MDC1: variants seen among roughly 807,000 people sequenced by gnomAD.
The protein encoded by MDC1 is mediator of DNA damage checkpoint protein 1.
MDC1 carries 81 observed loss-of-function variants against 142.5 expected under a neutral mutation model. That is an observed-to-expected ratio of 0.57 (90% confidence interval 0.47 to 0.68). The LOEUF (loss-of-function observed/expected upper bound fraction) is 0.68, where lower values mean the gene tolerates loss of function less well. MDC1 is among the 30% of genes least tolerant of loss of function. The pLI, the probability that MDC1 is intolerant of heterozygous loss-of-function variation, is 0.00. For missense variants in MDC1, 2,119 were observed against 2,547.9 expected, an observed-to-expected ratio of 0.83 and a Z score of 3.62; for synonymous variants, 797 against 968.4, an observed-to-expected ratio of 0.82 and a Z score of 3.29.
rs375028226 is a variant in MDC1, at chr6:30,715,583, C to A, written c.-3-405G>T. ...CGAACTCTTGACCTTGGGTGATCCG[C>A]CCACCTTGGCCTCCCAAAGTGCTGG... On this transcript the variant is annotated intron_variant, in intron 1 of 14. Coordinates refer to ENST00000376406, the MANE Select transcript of MDC1 (RefSeq NM_014641.3). This position sits in a 1 kb window ranked among gnomAD's most constrained non-coding sequence, Gnocchi z 4.1. Among the ~76,000 whole-genome samples, 3 of 152,228 alleles carry A rather than the reference C, an allele frequency of 2.0e-5. No homozygotes were observed. The highest frequency in any genetic ancestry group is 4.4e-5 in the Non-Finnish European group (3 of 68,044).
chr6:30,711,821 C>T, intron 5 of MDC1, 53 bp downstream of exon 5: 1 of 1,555,650 alleles, frequency 6.4e-7, no homozygotes, highest in South Asian at 1.2e-5. Flanking sequence ...CCAACCCCAG[C>T]TGTTAGAACC....
chr6:30,717,101 C>A (rs9468813), intron 1 of MDC1, 144 bp downstream of exon 1: 7,440 of 158,602 alleles, frequency 0.047, 357 homozygotes, highest in African/African-American at 0.12. Context: ...CGGAGCGGGG[C>A]GCCAGGTAAG....
chr6:30,700,842 G>A (rs1427401236), intron 14 of MDC1, among the ~76,000 whole-genome samples: 2 of 150,652 alleles, frequency 1.3e-5, no homozygotes, highest in Non-Finnish European at 3.0e-5. Context: ...AGGCTGAGGC[G>A]GGTGGATCAC....
rs1581620472 is a variant in MDC1, at chr6:30,713,445, G to A, written c.588-91C>T. The A allele has an allele frequency of 1.0e-5, 14 of 1,390,406 alleles. No individual in the cohort carries two copies. In the East Asian group the frequency reaches 3.0e-4, roughly 30 times the overall value. 86.1% of individuals were successfully genotyped at this position (1,390,406 alleles called of 1,614,324 possible). On this transcript the variant is annotated intron_variant, in intron 4 of 14. Transcript: ENST00000376406. The surrounding 1 kb of genome is among the most constrained non-coding windows in gnomAD (Gnocchi z 4.9). ...GTGAGCTCCTTGAGGGGAGACACAA[G>A]GTAGCATATTTCTTCTTCTGTTTCC...
In MDC1 at chr6:30,704,191, G is replaced by T; in HGVS notation, c.4992C>A (p.Thr1664=). 1 of 1,613,734 alleles carries T rather than the reference G, an allele frequency of 6.2e-7. No homozygotes were observed. The highest frequency in any genetic ancestry group is 8.5e-7 in the Non-Finnish European group (1 of 1,179,798). The change falls in exon 10 of 15, where the codon ACC becomes ACA. Residue 1664 remains threonine (T), a synonymous_variant. Transcript: ENST00000376406. ...EPAASDLEPF[T]PTDQSVTPEA... is the part of the protein sequence containing the mutation. ...CAGGGGTGACGGACTGGTCTGTGGG[G>T]GTAAAAGGCTCAAGATCAGAGGCTG...
At position 30,704,585 on chromosome 6, in the gene MDC1, G is replaced by C; in HGVS notation, c.4598C>G (p.Ala1533Gly). 6.2e-7 allele frequency: 1 copy of C among 1,606,998 alleles called. No homozygotes were observed. Among genetic ancestry groups the C allele is most frequent in the Non-Finnish European group, 8.5e-7 (1 of 1,176,716 alleles). The change falls in exon 10 of 15, where the codon GCA becomes GGA. Residue 1533 changes from alanine (A) to glycine (G), a missense_variant. By Grantham distance (60) the Ala-to-Gly change is moderately conservative. Coordinates refer to ENST00000376406, the MANE Select transcript of MDC1 (RefSeq NM_014641.3). ...GGTGGAAGGCTGGAGCTCAGGGGCTGCGGGCACAACTGTTTCAGGGGTCTT... is the reference window on the plus strand; with the variant it reads ...GGTGGAAGGCTGGAGCTCAGGGGCTCCGGGCACAACTGTTTCAGGGGTCTT... ...SVKTPETVVPAAPELQPSTST... is the reference protein window; with the variant it reads ...SVKTPETVVPGAPELQPSTST...
In MDC1 at chr6:30,702,761, C is replaced by G. The variant is rs191103790; in HGVS notation, c.5982G>C (p.Arg1994Ser). Residue 1994 changes from arginine to serine, a missense_variant, in exon 13 of 15, where the codon AGG becomes AGC. Transcript: ENST00000376406. The stretch of plus-strand genomic sequence containing the variant: ...AAAGATAGCCTCTCACCTCTAGCAG[C>G]CTTCGCTCCCGAGCCCTGCTCAGTG... Reference protein sequence around the residue: ...QDALSRARERRLLEGYEIYVT... With the variant: ...QDALSRARERSLLEGYEIYVT... 16 of 1,613,140 alleles carry G rather than the reference C, an allele frequency of 9.9e-6. No individual in the cohort carries two copies. Among genetic ancestry groups the G allele is most frequent in the East Asian group, 2.2e-5 (1 of 44,888 alleles).
chr6:30,702,960 A>G, intron 12 of MDC1, 83 bp from the exon 13 acceptor site: 1 of 1,600,956 alleles, frequency 6.2e-7, no homozygotes. Context: ...AGAGCTCACA[A>G]AATGTCTTTT....
At position 30,713,433 on chromosome 6, in the gene MDC1, G is replaced by C; in HGVS notation, c.588-79C>G. On this transcript the variant is annotated intron_variant, in intron 4 of 14. Coordinates refer to ENST00000376406, the MANE Select transcript of MDC1 (RefSeq NM_014641.3). The surrounding 1 kb of genome is among the most constrained non-coding windows in gnomAD (Gnocchi z 4.9). ...CCCAACTCAACTGTGAGCTCCTTGA[G>C]GGGAGACACAAGGTAGCATATTTCT... 1 of 1,428,168 alleles carries C rather than the reference G, an allele frequency of 7.0e-7. No individual in the cohort carries two copies. Among genetic ancestry groups the C allele is most frequent in the Non-Finnish European group, 9.4e-7 (1 of 1,067,596 alleles). The allele number at this position is 1,428,168 out of a possible 1,614,324, so 88.5% of individuals were successfully genotyped here.
chr6:30,711,669 T>G lies in MDC1; in HGVS notation c.2126A>C (p.Glu709Ala), dbSNP rs1774923337. Reference sequence around the variant, plus strand: ...TCAAATAACACAGAAGTCCTCACCTTCCAGGCCCTGATTCTCCAGAAAGCA... The same window carrying G: ...TCAAATAACACAGAAGTCCTCACCTGCCAGGCCCTGATTCTCCAGAAAGCA... The part of the protein sequence containing the change: ...TQCFLENQGL[E>A]AVQSMEDEPT... The change falls in exon 6 of 15, where the codon GAA (glutamate) becomes GCA (alanine). Residue 709 changes from glutamate (E) to alanine (A), a missense_variant and splice_region_variant. Physicochemically the swap from Glu to Ala is moderately radical, Grantham distance 107 (BLOSUM62 -1). Transcript: ENST00000376406. 1 of 1,612,952 alleles carries G rather than the reference T, an allele frequency of 6.2e-7. No homozygotes were observed. Among genetic ancestry groups the G allele is most frequent in the Non-Finnish European group, 8.5e-7 (1 of 1,179,978 alleles).
chr6:30,714,273 C>CACT, intron 2 of MDC1, 90 bp from the exon 3 acceptor site: 1 of 1,347,966 alleles, frequency 7.4e-7, no homozygotes, highest in Non-Finnish European at 9.9e-7. Flanking sequence ...ACTACTCACT[C>CACT]AAGGCCTCCA....
rs375692318 is a variant in MDC1 at position 30,713,990 on chromosome 6, C to T, written c.330G>A (p.Gly110=). The change falls in exon 3 of 15, where the codon GGG becomes GGA. Residue 110 remains glycine, a synonymous_variant. Transcript: ENST00000376406. This position sits in a 1 kb window ranked among gnomAD's most constrained non-coding sequence, Gnocchi z 4.9. ...ILRPPKVLSP[G]VSHRLRDQEL... ...CCTGGTCCCTCAGACGGTGACTCACCCCAGGGCTCAAAACCTTAGGAGGTC... is the reference window on the plus strand; with the variant it reads ...CCTGGTCCCTCAGACGGTGACTCACTCCAGGGCTCAAAACCTTAGGAGGTC... The T allele has an allele frequency of 1.2e-6, 2 of 1,612,900 alleles. No individual in the cohort carries two copies. Among genetic ancestry groups the T allele is most frequent in the Non-Finnish European group, 1.7e-6 (2 of 1,179,990 alleles).
At position 30,707,383 on chromosome 6, in the gene MDC1, C is replaced by A; in HGVS notation, c.3084+1G>T. 4 of 1,613,082 alleles carry A rather than the reference C, an allele frequency of 2.5e-6. No individual in the cohort carries two copies. The highest frequency in any genetic ancestry group is 2.5e-6 in the Non-Finnish European group (3 of 1,180,014). Reference sequence around the variant, plus strand: ...TAGGAGGTAGAAAAAGTAGCTCTCACCCTGGAAACCTTCTCAGCAGCTCTG... The same window carrying A: ...TAGGAGGTAGAAAAAGTAGCTCTCAACCTGGAAACCTTCTCAGCAGCTCTG... On this transcript the variant is annotated splice_donor_variant, in intron 9 of 14. Transcript: ENST00000376406. LOFTEE classifies it high-confidence loss of function.
rs1436749468 is a variant in MDC1, at chr6:30,704,484, T to A, written c.4699A>T (p.Thr1567Ser). 2 of 1,612,062 alleles carry A rather than the reference T, an allele frequency of 1.2e-6. No homozygotes were observed. Among genetic ancestry groups the A allele is most frequent in the Non-Finnish European group, 1.7e-6 (2 of 1,179,480 alleles). ...RGRTNRSSVK[T>S]PESIVPIAPE... Reference sequence around the variant, plus strand: ...GCTATAGGGACAATTGATTCAGGGGTCTTGACAGAGGACCTATTTGTCCTG... The same window carrying A: ...GCTATAGGGACAATTGATTCAGGGGACTTGACAGAGGACCTATTTGTCCTG... The change falls in exon 10 of 15, where the codon ACC (threonine) becomes TCC (serine). Residue 1567 changes from threonine (T) to serine (S), a missense_variant. By Grantham distance (58) the Thr-to-Ser change is moderately conservative. Transcript: ENST00000376406.
Position 30,703,413 on chromosome 6 carries a change from C to A in MDC1, c.5682+5G>T, listed in dbSNP as rs1773122793. 1.9e-6 allele frequency: 3 copies of A among 1,613,680 alleles called. No individual in the cohort carries two copies. The African/African-American group carries it at 4.0e-5, about 22-fold the overall frequency. ...CCCACAAAGTCCCATGCCTTTGTCT[C>A]TTACTTTGGGGGCTGTTGATTCTTG... On this transcript the variant is annotated splice_donor_5th_base_variant and intron_variant, in intron 11 of 14. Transcript: ENST00000376406. This position sits in a 1 kb window ranked among gnomAD's most constrained non-coding sequence, Gnocchi z 4.4.
Position 30,712,552 on chromosome 6 carries a change from C to A in MDC1, c.1390G>T (p.Val464Leu). 6.2e-7 allele frequency: 1 copy of A among 1,613,086 alleles called. No homozygotes were observed. Among genetic ancestry groups the A allele is most frequent in the Non-Finnish European group, 8.5e-7 (1 of 1,180,030 alleles). Residue 464 changes from valine (V) to leucine (L), a missense_variant, in exon 5 of 15, where the codon GTG becomes TTG. By Grantham distance (32) the Val-to-Leu change is conservative. Transcript: ENST00000376406. This position sits in a 1 kb window ranked among gnomAD's most constrained non-coding sequence, Gnocchi z 4.7. ...TTGAGGACAGCTTCTCTATTTTCCACTGGGAGCTCTTCCTCCTCCACGTCT... is the reference window on the plus strand; with the variant it reads ...TTGAGGACAGCTTCTCTATTTTCCAATGGGAGCTCTTCCTCCTCCACGTCT... Reference protein sequence around the residue: ...DTDVEEEELPVENREAVLKDH... With the variant: ...DTDVEEEELPLENREAVLKDH...
chr6:30,712,247 T>C lies in MDC1; in HGVS notation c.1695A>G (p.Val565=), dbSNP rs748239030. The C allele has an allele frequency of 2.5e-6, 4 of 1,613,108 alleles. No individual in the cohort carries two copies. Among genetic ancestry groups the C allele is most frequent in the South Asian group, 2.2e-5 (2 of 91,084 alleles). Residue 565 remains valine (V), a synonymous_variant, in exon 5 of 15, where the codon GTA becomes GTG. Coordinates refer to ENST00000376406, the MANE Select transcript of MDC1 (RefSeq NM_014641.3). The surrounding 1 kb of genome is among the most constrained non-coding windows in gnomAD (Gnocchi z 4.7). ...GCAGAGGCCAGGCTTCCTCTAGAGA[T>C]ACCACAAGCAGCTTTGCTGGTCCCC... is the stretch of plus-strand genomic sequence containing the variant. ...AVGGPAKLLV[V]SLEEAWPLHG...
In MDC1 at chr6:30,707,786, G is replaced by A. The variant is rs779398054; in HGVS notation, c.2793C>T (p.Ala931=). 4.3e-6 allele frequency: 7 copies of A among 1,612,960 alleles called. No homozygotes were observed. Among genetic ancestry groups the A allele is most frequent in the South Asian group, 1.1e-5 (1 of 91,076 alleles). Reference sequence around the variant, plus strand: ...CTTTGGGCACCTTCTCTTCTAACTCGGCTGGATCGCACTCTCTGTTTGCTA... The same window carrying A: ...CTTTGGGCACCTTCTCTTCTAACTCAGCTGGATCGCACTCTCTGTTTGCTA... ...RPVANRECDP[A]ELEEKVPKVI... is the part of the protein sequence containing the mutation. Residue 931 remains alanine, a synonymous_variant, in exon 8 of 15, where the codon GCC becomes GCT. Coordinates refer to ENST00000376406, the MANE Select transcript of MDC1 (RefSeq NM_014641.3).
intron 14 of MDC1, among the ~76,000 whole-genome samples, chr6:30,701,235 T>A (rs1772622480): frequency 6.6e-6 from 1 of 150,976 alleles, no homozygotes; most frequent in Non-Finnish European, 1.5e-5. Flanking sequence ...ACCCCGTCTT[T>A]AGTAAAAATA....
Sources: allele counts gnomAD v4.1 joint callset (sites outside exome capture counted in the v4.1 genomes callset), GRCh38; gene constraint gnomAD v4.1.1; non-coding constraint Gnocchi (gnomAD v3.1); transcripts MANE v1.5; gene names NCBI Gene and HGNC (gene_info 2026-07-23, HGNC 2026-07-21).